The following NPFFR1 variants were observed in gnomAD, a reference collection of about 807,000 sequenced individuals.
NPFFR1 encodes the protein G-protein coupled receptor 147.
A neutral mutation model predicts 12.7 loss-of-function variants in NPFFR1; 17 were observed. The observed-to-expected ratio is 1.34, with a 90% CI of 0.92 to 2.01. The LOEUF (loss-of-function observed/expected upper bound fraction) is 2.01. NPFFR1 is among the 30% of genes most tolerant of loss of function. The probability of loss-of-function intolerance (pLI) is 0.00; values close to 1 mark genes in which losing one functional copy is unlikely to be tolerated. For synonymous variants in NPFFR1, 296 were observed against 264.5 expected, an observed-to-expected ratio of 1.12 and a Z score of -1.16; for missense variants, 604 against 606.5, an observed-to-expected ratio of 1.00 and a Z score of 0.04.
Position 70,254,966 on chromosome 10 carries a change from C to T in NPFFR1, c.1284G>A (p.Trp428Ter), listed in dbSNP as rs1460225126. 3 of 1,433,452 alleles carry T rather than the reference C, an allele frequency of 2.1e-6. No individual in the cohort carries two copies. The East Asian group carries it at 8.0e-5, about 38-fold the overall frequency. 88.8% of individuals were successfully genotyped at this position (1,433,452 alleles called of 1,614,324 possible). A position where few individuals can be genotyped will look rare whatever the true frequency, so the allele number is the denominator to read the frequency against. The change falls in exon 4 of 4, where the codon TGG becomes TGA. Residue 428 changes from tryptophan to a stop codon, truncating the protein, a stop_gained. Coordinates refer to ENST00000277942, the MANE Select transcript of NPFFR1 (RefSeq NM_022146.5). LOFTEE classifies it high-confidence loss of function. ...CCCTCCCTGGACCCCCTCAGATATC[C>T]CAGGCTGGAATGGTGAGGGGCAGGT... The part of the protein sequence containing the change: ...CSHLPLTIPA[W>*]DI
intron 3 of NPFFR1, among the ~76,000 whole-genome samples, chr10:70,258,535 GT>G (rs1180478554): frequency 1.3e-5 from 2 of 152,176 alleles, no homozygotes; most frequent in Non-Finnish European, 2.9e-5. Context: ...CTGAGCCTTA[GT>G]TTCCTCATCT....
intron 2 of NPFFR1, among the ~76,000 whole-genome samples, chr10:70,265,565 A>G (rs554277375): frequency 6.6e-6 from 1 of 152,316 alleles, no homozygotes; most frequent in South Asian, 2.1e-4. Context: ...TCCAGCTCAA[A>G]TGAGTGGAGT....
intron 3 of NPFFR1, 99 bp downstream of exon 3, chr10:70,260,541 A>G: frequency 9.4e-7 from 1 of 1,058,910 alleles, no homozygotes; most frequent in Non-Finnish European, 1.4e-6. Flanking sequence ...ACCATGGTGC[A>G]GCCCCAGCCT....
Position 70,255,659 on chromosome 10 carries a change from G to A in NPFFR1, c.591C>T (p.Ser197=), listed in dbSNP as rs1177362938. The A allele has an allele frequency of 1.3e-6, 2 of 1,597,830 alleles. No individual in the cohort carries two copies. The highest frequency in any genetic ancestry group is 2.3e-5 in the South Asian group (2 of 88,188). ...CCTCCCAGCAGGAGTAGAGCGGGTAGGAGCGGTTGCGGGCGTCCACCATGA... is the reference window on the plus strand; with the variant it reads ...CCTCCCAGCAGGAGTAGAGCGGGTAAGAGCGGTTGCGGGCGTCCACCATGA... ...HHFMVDARNR[S]YPLYSCWEAW... The change falls in exon 4 of 4, where the codon TCC becomes TCT. Residue 197 remains serine (S), a synonymous_variant. Coordinates refer to ENST00000277942, the MANE Select transcript of NPFFR1 (RefSeq NM_022146.5). This position sits in a 1 kb window ranked among gnomAD's most constrained non-coding sequence, Gnocchi z 4.2.
chr10:70,279,483 G>A (rs1008710787), intron 1 of NPFFR1, among the ~76,000 whole-genome samples: 78 of 151,340 alleles, frequency 5.2e-4, no homozygotes, highest in African/African-American at 1.8e-3. Context: ...TTTTTAAGAT[G>A]GAGTCTTGCT....
At chr10:70,263,143 G>A (rs555742663) in intron 2 of NPFFR1, among the ~76,000 whole-genome samples, 72 of 152,148 alleles carry the variant, frequency 4.7e-4, no homozygotes, top group African/African-American at 1.7e-3. Context: ...CTCCAGCCTT[G>A]GTGACAGAGC....
rs745707986 is a variant in NPFFR1, at chr10:70,255,276, T to C, written c.974A>G (p.Asn325Ser). Residue 325 changes from asparagine (N) to serine (S), a missense_variant, in exon 4 of 4, where the codon AAC (asparagine) becomes AGC (serine). Transcript: ENST00000277942. The surrounding 1 kb of genome is among the most constrained non-coding windows in gnomAD (Gnocchi z 4.2). ...GTTGAAGTAGCCGTAGATGATGGGG[T>C]TGGCGCTGCTGTTGAAGAAGGCCAG... Reference protein sequence around the residue: ...HWLAFFNSSANPIIYGYFNEN... With the variant: ...HWLAFFNSSASPIIYGYFNEN... 2.5e-6 allele frequency: 4 copies of C among 1,577,900 alleles called. No homozygotes were observed. The African/African-American group carries it at 4.0e-5, about 16-fold the overall frequency.
In NPFFR1 at chr10:70,270,003, C is replaced by G. The variant is rs528393291; in HGVS notation, c.8-3612G>C. Among the ~76,000 whole-genome samples, 7 of 152,228 alleles carry G rather than the reference C, an allele frequency of 4.6e-5. No homozygotes were observed. In the East Asian group the frequency reaches 1.4e-3, roughly 29 times the overall value. Reference sequence around the variant, plus strand: ...AGCTCTCAGCATAAATGTTGTCTTCCCATAGCATCTGGTTTATGTTCATCA... The same window carrying G: ...AGCTCTCAGCATAAATGTTGTCTTCGCATAGCATCTGGTTTATGTTCATCA... On this transcript the variant is annotated intron_variant, in intron 1 of 3. Transcript: ENST00000277942.
intron 1 of NPFFR1, among the ~76,000 whole-genome samples, chr10:70,276,518 A>G (rs1446947635): frequency 1.3e-5 from 2 of 151,700 alleles, no homozygotes; most frequent in African/African-American, 2.4e-5. Context: ...AATTTCAGTT[A>G]TTAACGAGAG....
chr10:70,269,514 A>ATT (rs112183102), intron 1 of NPFFR1, among the ~76,000 whole-genome samples: 2,026 of 141,140 alleles, frequency 0.014, 40 homozygotes, highest in African/African-American at 0.046. Flanking sequence ...TCCCCACTGC[A>ATT]TTTTTTTTTT....
At position 70,283,771 on chromosome 10, in the gene NPFFR1, G is replaced by A. The variant is rs1263458524; in HGVS notation, c.-95C>T. The stretch of plus-strand genomic sequence containing the variant: ...CAGAGGGACGGTCTCCGGGCACTTG[G>A]TTGCGGGCTGCGCCCCTGCCTCCGC... On this transcript the variant is annotated 5_prime_UTR_variant, in exon 1 of 4. Transcript: ENST00000277942. The A allele has an allele frequency of 7.1e-7, 1 of 1,401,510 alleles. No homozygotes were observed. The highest frequency in any genetic ancestry group is 9.7e-7 in the Non-Finnish European group (1 of 1,028,164). The allele number at this position is 1,401,510 out of a possible 1,614,324, so 86.8% of individuals were successfully genotyped here.
In NPFFR1 at chr10:70,275,911, A is replaced by G. The variant is rs184868134; in HGVS notation, c.7+7759T>C. ...ACAAAAAGAGACTTGCTCTAAGAAT[A>G]CAGCATGCAGTAGTGGTAGACCTCC... On this transcript the variant is annotated intron_variant, in intron 1 of 3. Transcript: ENST00000277942. 9.7e-4 allele frequency among the ~76,000 whole-genome samples: 148 copies of G among 152,326 alleles called. 1 individual carries two copies. Among genetic ancestry groups the G allele is most frequent in the Non-Finnish European group, 1.7e-3 (116 of 68,028 alleles).
Position 70,255,272 on chromosome 10 carries a change from G to A in NPFFR1, c.978C>T (p.Pro326=). Residue 326 remains proline (P), a synonymous_variant, in exon 4 of 4, where the codon CCC becomes CCT. Coordinates refer to ENST00000277942, the MANE Select transcript of NPFFR1 (RefSeq NM_022146.5). This position sits in a 1 kb window ranked among gnomAD's most constrained non-coding sequence, Gnocchi z 4.2. ...TCTCGTTGAAGTAGCCGTAGATGAT[G>A]GGGTTGGCGCTGCTGTTGAAGAAGG... The part of the protein sequence containing the change: ...WLAFFNSSAN[P]IIYGYFNENF... The A allele has an allele frequency of 6.3e-7, 1 of 1,577,528 alleles. No homozygotes were observed. The highest frequency in any genetic ancestry group is 2.3e-5 in the East Asian group (1 of 43,314).
rs1023763569 is a variant in NPFFR1, at chr10:70,251,215, C to G, written c.*3742G>C. 5.3e-5 allele frequency: 8 copies of G among 152,272 alleles called. No homozygotes were observed. The highest frequency in any genetic ancestry group is 1.9e-4 in the African/African-American group (8 of 41,470). The allele number at this position is 152,272 out of a possible 1,614,324, so 9.4% of individuals were successfully genotyped here. ...CTGAGGAAACGGGTGCAAAAAGGTA[C>G]AGAGCTTAATAGCAATCCTTTGTCC... On this transcript the variant is annotated 3_prime_UTR_variant, in exon 4 of 4. Transcript: ENST00000277942.
intron 3 of NPFFR1, among the ~76,000 whole-genome samples, chr10:70,257,619 CG>C (rs1589909515): frequency 1.3e-5 from 2 of 152,222 alleles, no homozygotes; most frequent in Non-Finnish European, 2.9e-5. Flanking sequence ...AAGACCTGAC[CG>C]TCCCCCAGCC....
Position 70,255,751 on chromosome 10 carries a change from C to T in NPFFR1, c.499G>A (p.Ala167Thr), listed in dbSNP as rs756788740. 2.5e-6 allele frequency: 4 copies of T among 1,611,512 alleles called. No homozygotes were observed. The South Asian group carries it at 3.3e-5, about 13-fold the overall frequency. Residue 167 changes from alanine to threonine, a missense_variant, in exon 4 of 4, where the codon GCC (alanine) becomes ACC (threonine). Coordinates refer to ENST00000277942, the MANE Select transcript of NPFFR1 (RefSeq NM_022146.5). The surrounding 1 kb of genome is among the most constrained non-coding windows in gnomAD (Gnocchi z 4.2). Reference sequence around the variant, plus strand: ...GGACACATGATGAGCAGCGCCAGGGCCCAGATGACGGCGATGGTGACGAGC... The same window carrying T: ...GGACACATGATGAGCAGCGCCAGGGTCCAGATGACGGCGATGGTGACGAGC... ...KALVTIAVIW[A>T]LALLIMCPSA...
Position 70,254,809 on chromosome 10 carries a change from G to T in NPFFR1, c.*148C>A. 1 of 941,338 alleles carries T rather than the reference G, an allele frequency of 1.1e-6. No individual in the cohort carries two copies. Among genetic ancestry groups the T allele is most frequent in the Non-Finnish European group, 1.4e-6 (1 of 703,824 alleles). 58.3% of individuals were successfully genotyped at this position (941,338 alleles called of 1,614,324 possible). A position where few individuals can be genotyped will look rare whatever the true frequency, so the allele number is the denominator to read the frequency against. On this transcript the variant is annotated 3_prime_UTR_variant, in exon 4 of 4. Coordinates refer to ENST00000277942, the MANE Select transcript of NPFFR1 (RefSeq NM_022146.5). Reference sequence around the variant, plus strand: ...TACTGAGGGTGAAGGCAGCAGAGAAGACATCACCAGCAGCTGCCCACCACT... The same window carrying T: ...TACTGAGGGTGAAGGCAGCAGAGAATACATCACCAGCAGCTGCCCACCACT...
chr10:70,265,400 G>C (rs1026226317), intron 2 of NPFFR1, among the ~76,000 whole-genome samples: 1 of 152,212 alleles, frequency 6.6e-6, no homozygotes, highest in Non-Finnish European at 1.5e-5. Flanking sequence ...AGAGTAGAGA[G>C]TAGATGGCAC....
rs1269382571 is a variant in NPFFR1, at chr10:70,251,167, C to T, written c.*3790G>A. 2 of 152,260 alleles carry T rather than the reference C, an allele frequency of 1.3e-5. No individual in the cohort carries two copies. The highest frequency in any genetic ancestry group is 2.9e-5 in the Non-Finnish European group (2 of 68,056). The allele number at this position is 152,260 out of a possible 1,614,324, so 9.4% of individuals were successfully genotyped here. A position where few individuals can be genotyped will look rare whatever the true frequency, so the allele number is the denominator to read the frequency against. ...CGCCTCCTTCTCATCTATCTTTCATCAGTGACACTTCTGAGGGGTGAGCTG... is the reference window on the plus strand; with the variant it reads ...CGCCTCCTTCTCATCTATCTTTCATTAGTGACACTTCTGAGGGGTGAGCTG... On this transcript the variant is annotated 3_prime_UTR_variant, in exon 4 of 4. Coordinates refer to ENST00000277942, the MANE Select transcript of NPFFR1 (RefSeq NM_022146.5).
Sources: gnomAD v4.1 joint callset for allele counts (sites outside exome capture counted in the v4.1 genomes callset) on GRCh38, gnomAD v4.1.1 for gene constraint, Gnocchi (gnomAD v3.1) non-coding constraint, MANE v1.5 for transcripts, NCBI Gene and HGNC (gene_info 2026-07-23, HGNC 2026-07-21) for gene names.